The following ARMC1 variants were observed in gnomAD, a reference collection of about 807,000 sequenced individuals.
ARMC1 encodes the protein armadillo repeat-containing protein 1.
ARMC1 carries 16 observed loss-of-function variants against 31.4 expected under a neutral mutation model. That is an observed-to-expected ratio of 0.51 (90% CI 0.34 to 0.77). The LOEUF (loss-of-function observed/expected upper bound fraction) is 0.77, where lower values mean the gene tolerates loss of function less well. Among genes scored for constraint, ARMC1 ranks in the 30% least tolerant of loss-of-function variants. The pLI, the probability that ARMC1 is intolerant of heterozygous loss-of-function variation, is 0.01. For synonymous variants in ARMC1, 114 were observed against 118.9 expected, an observed-to-expected ratio of 0.96 and a Z score of 0.27; for missense variants, 259 against 347.5, an observed-to-expected ratio of 0.75 and a Z score of 2.02.
intron 4 of ARMC1, among the ~76,000 whole-genome samples, chr8:65,612,590 A>T (rs1031359023): frequency 6.6e-6 from 1 of 152,176 alleles, no homozygotes. Context: ...TGGGCCGGGC[A>T]TGGTGGCTCA....
intron 3 of ARMC1, among the ~76,000 whole-genome samples, chr8:65,613,884 C>T (rs999954495): frequency 6.0e-5 from 9 of 149,068 alleles, no homozygotes; most frequent in African/African-American, 1.7e-4. Context: ...CACTTGAACC[C>T]GGGAGGCAGA....
At chr8:65,628,963 G>C (rs541450755) in intron 1 of ARMC1, among the ~76,000 whole-genome samples, 67 of 152,136 alleles carry the variant, frequency 4.4e-4, no homozygotes, top group African/African-American at 1.6e-3. Flanking sequence ...AGACCAGCCT[G>C]GTCAACATGG....
rs1306289776 is a variant in ARMC1, at chr8:65,604,605, G to A, written c.658-20C>T. ...CAACATCTGATACAGAAAATATTGA[G>A]AGTTATTACAAAATCAACTTTACTC... On this transcript the variant is annotated intron_variant, in intron 6 of 6. Transcript: ENST00000276569. 6.2e-7 allele frequency: 1 copy of A among 1,604,640 alleles called. No individual in the cohort carries two copies. Among genetic ancestry groups the A allele is most frequent in the East Asian group, 2.2e-5 (1 of 44,818 alleles).
At chr8:65,615,400 TA>T (rs10612716) in intron 3 of ARMC1, among the ~76,000 whole-genome samples, 18,924 of 139,888 alleles carry the variant, frequency 0.14, 1,898 homozygotes, top group East Asian at 0.48. Context: ...GAACTTAAGT[TA>T]AAAAAAAAAA....
intron 4 of ARMC1, 66 bp downstream of exon 4, chr8:65,613,178 T>C: frequency 1.6e-6 from 2 of 1,287,668 alleles, no homozygotes; most frequent in Non-Finnish European, 2.1e-6. Flanking sequence ...CAAAGACTGT[T>C]AGCAAGTGGC....
chr8:65,613,164 T>C, intron 4 of ARMC1, 80 bp downstream of exon 4: 1 of 1,176,602 alleles, frequency 8.5e-7, no homozygotes, highest in Non-Finnish European at 1.2e-6. Context: ...TCGAGATTTA[T>C]TCTCAAAGAC....
intron 1 of ARMC1, among the ~76,000 whole-genome samples, chr8:65,631,341 T>C (rs998337055): frequency 5.3e-5 from 8 of 152,090 alleles, no homozygotes; most frequent in African/African-American, 1.9e-4. Context: ...TTCAAGCAAT[T>C]CTCCTGCCTC....
chr8:65,622,893 C>A (rs1808423469), intron 2 of ARMC1, among the ~76,000 whole-genome samples: 1 of 151,536 alleles, frequency 6.6e-6, no homozygotes, highest in African/African-American at 2.4e-5. Context: ...GTAGTCCCAG[C>A]TACTTGGAAG....
rs538324950 is a variant in ARMC1 at position 65,624,498 on chromosome 8, C to CAAAAAAAAAAA, written c.184-2155_184-2145dup. On this transcript the variant is annotated intron_variant, in intron 2 of 6. Coordinates refer to ENST00000276569, the MANE Select transcript of ARMC1 (RefSeq NM_018120.6). Reference sequence around the variant, plus strand: ...TAGGTGACAGAGCAAGACTCCATCTCAAAAAAAAAAAAAGACATTTTTAAA... The same window carrying CAAAAAAAAAAA: ...TAGGTGACAGAGCAAGACTCCATCTCAAAAAAAAAAAAAAAAAAAAAAAAGACATTTTTAAA... Among the ~76,000 whole-genome samples the CAAAAAAAAAAA allele has an allele frequency of 1.4e-4, 13 of 95,406 alleles. 1 individual carries two copies. The highest frequency in any genetic ancestry group is 3.3e-4 in the East Asian group (1 of 3,018). The allele number at this position is 95,406 out of a possible 152,430, so 62.6% of individuals were successfully genotyped here. A position where few individuals can be genotyped will look rare whatever the true frequency, so the allele number is the denominator to read the frequency against.
chr8:65,604,329 T>C lies in ARMC1; in HGVS notation c.*65A>G. 6 of 1,481,362 alleles carry C rather than the reference T, an allele frequency of 4.1e-6. No homozygotes were observed. The South Asian group carries it at 7.6e-5, about 19-fold the overall frequency. The allele number at this position is 1,481,362 out of a possible 1,614,324, so 91.8% of individuals were successfully genotyped here. A position where few individuals can be genotyped will look rare whatever the true frequency, so the allele number is the denominator to read the frequency against. ...ACTTATTGCAAATTGCACTTGACAG[T>C]TCACCACAACAATGGAAAACTGGCC... is the stretch of plus-strand genomic sequence containing the variant. On this transcript the variant is annotated 3_prime_UTR_variant, in exon 7 of 7. Coordinates refer to ENST00000276569, the MANE Select transcript of ARMC1 (RefSeq NM_018120.6).
Position 65,604,280 on chromosome 8 carries a change from G to T in ARMC1, c.*114C>A. On this transcript the variant is annotated 3_prime_UTR_variant, in exon 7 of 7. Transcript: ENST00000276569. ...CGTGAAATGCAGCATATGCGATCGT[G>T]TAATCTAAAAACTTTTCATGATAAC... 2 of 971,000 alleles carry T rather than the reference G, an allele frequency of 2.1e-6. No individual in the cohort carries two copies. Among genetic ancestry groups the T allele is most frequent in the Non-Finnish European group, 3.1e-6 (2 of 651,726 alleles). The allele number at this position is 971,000 out of a possible 1,614,324, so 60.1% of individuals were successfully genotyped here.
At chr8:65,612,885 A>T (rs527370628) in intron 4 of ARMC1, among the ~76,000 whole-genome samples, 2 of 152,088 alleles carry the variant, frequency 1.3e-5, no homozygotes, top group African/African-American at 2.4e-5. Flanking sequence ...AAAAATAAAT[A>T]AAATAAAATA....
chr8:65,626,533 T>C (rs1004089533), intron 2 of ARMC1, among the ~76,000 whole-genome samples: 1 of 151,998 alleles, frequency 6.6e-6, no homozygotes, highest in Admixed American at 6.6e-5. Context: ...TAAAATCACT[T>C]AATTGTATAC....
chr8:65,608,390 G>C (rs923581192), intron 4 of ARMC1, among the ~76,000 whole-genome samples: 1 of 152,076 alleles, frequency 6.6e-6, no homozygotes, highest in Non-Finnish European at 1.5e-5. Flanking sequence ...TTAGCGGGGC[G>C]TGGTGGTGGG....
At chr8:65,618,063 G>A (rs6986691) in intron 3 of ARMC1, among the ~76,000 whole-genome samples, 96,512 of 151,644 alleles carry the variant, frequency 0.64, 30,933 homozygotes, top group African/African-American at 0.69. Context: ...TTACAGGTAC[G>A]TACCACCATG....
At chr8:65,616,082 T>C (rs972670405) in intron 3 of ARMC1, among the ~76,000 whole-genome samples, 1 of 152,214 alleles carries the variant, frequency 6.6e-6, no homozygotes, top group African/African-American at 2.4e-5. Context: ...ACAAAAAATA[T>C]TAAAATACTA....
chr8:65,604,608 T>C, intron 6 of ARMC1, 23 bp from the exon 7 acceptor site: 1 of 1,603,552 alleles, frequency 6.2e-7, no homozygotes, highest in Non-Finnish European at 8.5e-7. Flanking sequence ...ATATTGAGAG[T>C]TATTACAAAA....
intron 2 of ARMC1, among the ~76,000 whole-genome samples, chr8:65,625,688 A>G (rs746688767): frequency 6.6e-6 from 1 of 152,010 alleles, no homozygotes; most frequent in Non-Finnish European, 1.5e-5. Flanking sequence ...CCCATTTGTT[A>G]CTACTGTTCT....
chr8:65,621,892 A>C (rs1808401057), intron 3 of ARMC1, among the ~76,000 whole-genome samples: 1 of 152,126 alleles, frequency 6.6e-6, no homozygotes, highest in Admixed American at 6.6e-5. Context: ...TTCCTACAGT[A>C]ATAAATTACT....
Sources: gnomAD v4.1 joint callset for allele counts (sites outside exome capture counted in the v4.1 genomes callset) on GRCh38, gnomAD v4.1.1 for gene constraint, MANE v1.5 for transcripts, NCBI Gene and HGNC (gene_info 2026-07-23, HGNC 2026-07-21) for gene names.